The following ZFYVE26 variants were observed in gnomAD, a reference collection of about 807,000 sequenced individuals.
ZFYVE26 encodes zinc finger FYVE-type containing 26.
Under a neutral mutation model 276.5 loss-of-function variants are expected in ZFYVE26, and 181 were observed. That is an observed-to-expected ratio of 0.65 (90% CI 0.58 to 0.74). The LOEUF (loss-of-function observed/expected upper bound fraction) is 0.74. Ranked by LOEUF, ZFYVE26 falls within the 30% of genes least tolerant of loss-of-function variation. The pLI, the probability that ZFYVE26 is intolerant of heterozygous loss-of-function variation, is 0.00. For missense variants in ZFYVE26, 2,821 were observed against 3,097.9 expected (o/e 0.91, Z 2.12); for synonymous variants, 1,129 against 1,203.1 (o/e 0.94, Z 1.27).
chr14:67,783,641 C>T lies in ZFYVE26; in HGVS notation c.3627-116G>A, dbSNP rs890203826. On this transcript the variant is annotated intron_variant, in intron 20 of 41. Transcript: ENST00000347230. ...TGTAAATAAAAGTTCCTAATTGTCA[C>T]ACTCTTTTTTTAAAACACAAAAAGT... 6.5e-6 allele frequency: 9 copies of T among 1,375,172 alleles called. No individual in the cohort carries two copies. In the African/African-American group the frequency reaches 1.3e-4, roughly 20 times the overall value. The allele number at this position is 1,375,172 out of a possible 1,614,324, so 85.2% of individuals were successfully genotyped here.
At chr14:67,773,830 T>G (rs1430529464) in intron 27 of ZFYVE26, among the ~76,000 whole-genome samples, 2 of 152,146 alleles carry the variant, frequency 1.3e-5, no homozygotes, top group East Asian at 3.9e-4. Context: ...TTAGTAGCAC[T>G]CAGAAGAAGA....
chr14:67,729,538 CTT>C, exon 14 of ZFYVE26: 2 of 726,536 alleles, frequency 2.8e-6, no homozygotes, highest in African/African-American at 1.7e-5. Flanking sequence ...GTTAAGGAAA[CTT>C]ACAGTACAAA....
In ZFYVE26 at chr14:67,754,069, A is replaced by T. The variant is rs1049504575; in HGVS notation, c.7128+2T>A. On this transcript the variant is annotated splice_donor_variant, in intron 38 of 41. Transcript: ENST00000347230. LOFTEE classifies it high-confidence loss of function. ...GCCAGAGGTCTGAAACGCTGCATGT[A>T]CCTTGCAGGCAACATCCATTTTCAT... The T allele has an allele frequency of 2.5e-6, 4 of 1,614,140 alleles. No homozygotes were observed. The highest frequency in any genetic ancestry group is 3.4e-6 in the Non-Finnish European group (4 of 1,180,050).
rs1015804374 is a variant in ZFYVE26, at chr14:67,752,478, A to T, written c.7237T>A (p.Leu2413Met). 1 of 1,614,008 alleles carries T rather than the reference A, an allele frequency of 6.2e-7. No individual in the cohort carries two copies. The highest frequency in any genetic ancestry group is 1.3e-5 in the African/African-American group (1 of 74,908). ...AMTYCRAARQ[L>M]VEKEKYSEIQ... ...TCACTGTACTTCTCTTTCTCCACCA[A>T]CTGGCGGGCAGCTCTGCAGTAGGTC... Residue 2413 changes from leucine to methionine, a missense_variant, in exon 40 of 42, where the codon TTG (leucine) becomes ATG (methionine). Physicochemically the swap from Leu to Met is conservative, Grantham distance 15. Transcript: ENST00000347230.
At chr14:67,782,664 T>A (rs780499804) in intron 21 of ZFYVE26, 116 bp downstream of exon 21, 10 of 1,480,070 alleles carry the variant, frequency 6.8e-6, no homozygotes, top group Non-Finnish European at 9.3e-6. Flanking sequence ...CTTAATAACA[T>A]GAGATTATAG....
chr14:67,739,122 G>A (rs1467398998), intron 13 of ZFYVE26, among the ~76,000 whole-genome samples: 7 of 152,186 alleles, frequency 4.6e-5, no homozygotes, highest in African/African-American at 1.7e-4. Flanking sequence ...GATGTGGAAG[G>A]AGCCTCTTTG....
At chr14:67,734,880 C>A (rs761778538) in intron 13 of ZFYVE26, among the ~76,000 whole-genome samples, 15 of 152,190 alleles carry the variant, frequency 9.9e-5, no homozygotes, top group Non-Finnish European at 1.6e-4. Context: ...TTCCTGCCGC[C>A]CTCAGCAAGG....
In ZFYVE26 at chr14:67,787,054, G is replaced by A. The variant is rs2039677715; in HGVS notation, c.3020-821C>T. 1.3e-5 allele frequency among the ~76,000 whole-genome samples: 2 copies of A among 152,206 alleles called. 1 individual carries two copies. Among genetic ancestry groups the A allele is most frequent in the South Asian group, 4.1e-4 (2 of 4,832 alleles). ...TACCAGAGGCTGGGAAGGTAGTAAG[G>A]GGTGGGGGAAGATGGAGATGGTTAA... On this transcript the variant is annotated intron_variant, in intron 16 of 41. Coordinates refer to ENST00000347230, the MANE Select transcript of ZFYVE26 (RefSeq NM_015346.4).
chr14:67,776,119 T>C lies in ZFYVE26; in HGVS notation c.4975-13A>G. On this transcript the variant is annotated splice_polypyrimidine_tract_variant and intron_variant, in intron 25 of 41. Coordinates refer to ENST00000347230, the MANE Select transcript of ZFYVE26 (RefSeq NM_015346.4). ...GGGTCAGCAGAATCTGTTTGTGGGG[T>C]AGATCCATAGAGTAAAGAAAATAGT... The C allele has an allele frequency of 2.5e-6, 4 of 1,613,874 alleles. No individual in the cohort carries two copies. Among genetic ancestry groups the C allele is most frequent in the Non-Finnish European group, 3.4e-6 (4 of 1,179,920 alleles).
At position 67,756,071 on chromosome 14, in the gene ZFYVE26, C is replaced by T; in HGVS notation, c.6663G>A (p.Glu2221=). 1 of 1,614,258 alleles carries T rather than the reference C, an allele frequency of 6.2e-7. No homozygotes were observed. Among genetic ancestry groups the T allele is most frequent in the Non-Finnish European group, 8.5e-7 (1 of 1,180,048 alleles). Residue 2221 remains glutamate, a synonymous_variant, in exon 36 of 42, where the codon GAG becomes GAA. Coordinates refer to ENST00000347230, the MANE Select transcript of ZFYVE26 (RefSeq NM_015346.4). Reference sequence around the variant, plus strand: ...TTGGATCAATGGATTCTAGCAAGTTCTCCAAAGTGTGTAGCTTCCCACTTT... The same window carrying T: ...TTGGATCAATGGATTCTAGCAAGTTTTCCAAAGTGTGTAGCTTCCCACTTT... The part of the protein sequence containing the change: ...SYKSGKLHTL[E]NLLESIDPTL...
In ZFYVE26 at chr14:67,814,016, A is replaced by G; in HGVS notation, c.243T>C (p.Leu81=). The change falls in exon 3 of 42, where the codon CTT becomes CTC. Residue 81 remains leucine, a synonymous_variant. Coordinates refer to ENST00000347230, the MANE Select transcript of ZFYVE26 (RefSeq NM_015346.4). ...CCCGGGCCAACCATTTCTCCAGTAC[A>G]AGAAGCCAGACCCAGGCTACTCTTT... ...NPQRVAWVWL[L]VLEKWLAREK... 1 of 1,614,044 alleles carries G rather than the reference A, an allele frequency of 6.2e-7. No homozygotes were observed. Among genetic ancestry groups the G allele is most frequent in the Non-Finnish European group, 8.5e-7 (1 of 1,179,950 alleles).
rs931361191 is a variant in ZFYVE26, at chr14:67,790,841, A to G, written c.2554-68T>C. The G allele has an allele frequency of 5.6e-6, 8 of 1,440,494 alleles. No homozygotes were observed. The African/African-American group carries it at 1.1e-4, about 20-fold the overall frequency. The allele number at this position is 1,440,494 out of a possible 1,614,324, so 89.2% of individuals were successfully genotyped here. ...GATTTAGGGAATGTCCATGGATAGG[A>G]GATCTTGCCAACCATTAGACTGTGG... is the stretch of plus-strand genomic sequence containing the variant. On this transcript the variant is annotated intron_variant, in intron 14 of 41. Coordinates refer to ENST00000347230, the MANE Select transcript of ZFYVE26 (RefSeq NM_015346.4).
At chr14:67,807,019 C>T (rs1392037079) in intron 5 of ZFYVE26, among the ~76,000 whole-genome samples, 1 of 152,214 alleles carries the variant, frequency 6.6e-6, no homozygotes, top group Non-Finnish European at 1.5e-5. Flanking sequence ...CAGCCTCCAC[C>T]TCCTGGGCTC....
intron 35 of ZFYVE26, among the ~76,000 whole-genome samples, chr14:67,757,664 TTCTTTCTTTCTTTCTTTCTC>T (rs1199074348): frequency 7.2e-6 from 1 of 138,966 alleles, no homozygotes; most frequent in Non-Finnish European, 1.5e-5. Context: ...CTTTCTTTCT[TTCTTTCTTTCTTTCTTTCTC>T]TCTCTCTTTC....
chr14:67,797,832 G>C (rs2039988487), intron 11 of ZFYVE26, 77 bp from the exon 12 acceptor site: 2 of 1,592,294 alleles, frequency 1.3e-6, no homozygotes, highest in East Asian at 4.5e-5. Flanking sequence ...TAACAGGTTG[G>C]GGAAGGTTTG....
Position 67,807,648 on chromosome 14 carries a change from AG to A in ZFYVE26, c.635del (p.Pro212LeufsTer3). On this transcript the variant is annotated frameshift_variant, in exon 5 of 42. Coordinates refer to ENST00000347230, the MANE Select transcript of ZFYVE26 (RefSeq NM_015346.4). LOFTEE classifies it high-confidence loss of function. Reference protein sequence around the residue: ...RALQGPDSVPPGVVDAIYGAL... With the variant: ...RALQGPDSVPXGVVDAIYGAL... ...CTCCATAGATGGCATCGACTACCCC[AG>A]GGGGCACCGAATCAGGGCCCTGCAA... 2 of 1,614,136 alleles carry A rather than the reference AG, an allele frequency of 1.2e-6. No homozygotes were observed. The highest frequency in any genetic ancestry group is 1.7e-6 in the Non-Finnish European group (2 of 1,180,020).
At position 67,755,040 on chromosome 14, in the gene ZFYVE26, C is replaced by A; in HGVS notation, c.6986+11G>T. The stretch of plus-strand genomic sequence containing the variant: ...TGCCCCACACCAATAGTCCCCTGAA[C>A]CTCCAGCTACCTTGACACATCAGCT... On this transcript the variant is annotated intron_variant, in intron 37 of 41. Transcript: ENST00000347230. 2.5e-6 allele frequency: 4 copies of A among 1,613,594 alleles called. No homozygotes were observed. Among genetic ancestry groups the A allele is most frequent in the Non-Finnish European group, 3.4e-6 (4 of 1,180,010 alleles).
intron 29 of ZFYVE26, among the ~76,000 whole-genome samples, chr14:67,769,213 C>T (rs1445087993): frequency 1.3e-5 from 2 of 152,168 alleles, no homozygotes; most frequent in African/African-American, 4.8e-5. Context: ...AAGCGATGCC[C>T]AACCATTCAG....
chr14:67,794,697 C>G (rs2039908695), intron 12 of ZFYVE26, among the ~76,000 whole-genome samples: 1 of 152,172 alleles, frequency 6.6e-6, no homozygotes, highest in African/African-American at 2.4e-5. Context: ...GTAATCCCAG[C>G]ACGTTGGGAG....
Sources: gnomAD v4.1 joint callset for allele counts (sites outside exome capture counted in the v4.1 genomes callset) on GRCh38, gnomAD v4.1.1 for gene constraint, MANE v1.5 for transcripts, NCBI Gene and HGNC (gene_info 2026-07-23, HGNC 2026-07-21) for gene names.